CDH19: variants seen among roughly 807,000 people sequenced by gnomAD.
CDH19 encodes cadherin 19.
CDH19 carries 67 observed loss-of-function variants against 64.2 expected under a neutral mutation model. The ratio of observed to expected loss-of-function variants is 1.04; its 90% CI spans 0.86 to 1.28. The LOEUF (loss-of-function observed/expected upper bound fraction) is 1.28. Ranked by LOEUF, CDH19 falls within the 50% of genes most tolerant of loss-of-function variation. CDH19 has a pLI of 0.00. For missense variants in CDH19, 1,030 were observed against 929.0 expected (o/e 1.11, Z -1.41); for synonymous variants, 346 against 319.3 (o/e 1.08, Z -0.89).
intron 3 of CDH19, among the ~76,000 whole-genome samples, chr18:66,561,192 T>G (rs73539796): frequency 0.02 from 3,003 of 152,172 alleles, 108 homozygotes; most frequent in African/African-American, 0.068. Flanking sequence ...AAGTACAAAG[T>G]AAATGTTTGA....
intron 1 of CDH19, among the ~76,000 whole-genome samples, chr18:66,580,204 T>C (rs1988385600): frequency 6.6e-6 from 1 of 151,988 alleles, no homozygotes. Context: ...ACAACACTCA[T>C]AAAATGGAAA....
intron 3 of CDH19, among the ~76,000 whole-genome samples, chr18:66,557,083 A>T (rs1205714086): frequency 6.6e-6 from 1 of 151,978 alleles, no homozygotes; most frequent in Admixed American, 6.6e-5. Context: ...AAAGAAAATG[A>T]AATACACCAC....
At chr18:66,571,662 GT>G (rs1298397928) in intron 2 of CDH19, among the ~76,000 whole-genome samples, 2 of 151,594 alleles carry the variant, frequency 1.3e-5, no homozygotes, top group African/African-American at 4.8e-5. Context: ...GCTACTTAGC[GT>G]AACAGAAAAT....
At chr18:66,512,730 T>C (rs1226276135) in intron 9 of CDH19, among the ~76,000 whole-genome samples, 1 of 151,520 alleles carries the variant, frequency 6.6e-6, no homozygotes, top group African/African-American at 2.4e-5. Flanking sequence ...TAATTATACA[T>C]GTGGATATTG....
At chr18:66,537,934 G>A (rs1419728267) in intron 7 of CDH19, among the ~76,000 whole-genome samples, 3 of 151,858 alleles carry the variant, frequency 2.0e-5, no homozygotes, top group African/African-American at 2.4e-5. Context: ...GAAGGCATTC[G>A]TGCATCATAC....
rs1317620719 is a variant in CDH19, at chr18:66,502,400, C to T, written c.*2412G>A. 6.6e-6 allele frequency: 1 copy of T among 151,932 alleles called. No individual in the cohort carries two copies. Among genetic ancestry groups the T allele is most frequent in the Non-Finnish European group, 1.5e-5 (1 of 67,928 alleles). The allele number at this position is 151,932 out of a possible 1,614,324, so 9.4% of individuals were successfully genotyped here. ...TATTAAAACTATTTGTACAGGTATT[C>T]CATTAATGTGCATTTTAATGAGTTG... is the stretch of plus-strand genomic sequence containing the variant. On this transcript the variant is annotated 3_prime_UTR_variant, in exon 12 of 12. Coordinates refer to ENST00000262150, the MANE Select transcript of CDH19 (RefSeq NM_021153.4).
intron 5 of CDH19, among the ~76,000 whole-genome samples, chr18:66,548,254 TATA>T (rs1248875831): frequency 3.4e-4 from 30 of 87,572 alleles, no homozygotes; most frequent in African/African-American, 1.5e-3. Flanking sequence ...TTTATATATA[TATA>T]TATATTTTTT....
chr18:66,537,150 A>G (rs1375009363), intron 7 of CDH19, among the ~76,000 whole-genome samples: 2 of 151,970 alleles, frequency 1.3e-5, no homozygotes. Context: ...TACAAACTAT[A>G]GTTGGATTTC....
intron 5 of CDH19, among the ~76,000 whole-genome samples, chr18:66,546,527 T>C (rs544670761): frequency 4.6e-5 from 7 of 152,278 alleles, no homozygotes; most frequent in Non-Finnish European, 8.8e-5. Flanking sequence ...TAATTTTCCA[T>C]ACTTTCAAAA....
At chr18:66,572,407 A>T (rs575075640) in intron 1 of CDH19, 91 bp from the exon 2 acceptor site, 1 of 400,872 alleles carries the variant, frequency 2.5e-6, no homozygotes, top group South Asian at 8.1e-5. Flanking sequence ...TCTGCATCTG[A>T]CAAAAGTGGA....
chr18:66,514,128 A>T (rs751936647), intron 9 of CDH19, among the ~76,000 whole-genome samples: 1 of 151,522 alleles, frequency 6.6e-6, no homozygotes, highest in African/African-American at 2.4e-5. Flanking sequence ...ATATAAGCTA[A>T]GTGTCTTAGG....
At chr18:66,535,187 G>T in intron 7 of CDH19, 80 bp from the exon 8 acceptor site, 2 of 842,218 alleles carry the variant, frequency 2.4e-6, no homozygotes, top group South Asian at 4.1e-5. Flanking sequence ...TAAGCAATAA[G>T]ACATCTTATT....
intron 1 of CDH19, among the ~76,000 whole-genome samples, chr18:66,579,072 G>T (rs1988348817): frequency 6.6e-6 from 1 of 151,850 alleles, no homozygotes; most frequent in Non-Finnish European, 1.5e-5. Flanking sequence ...GTATTGTGAT[G>T]AAAGTCTTAG....
At chr18:66,602,621 T>A (rs757657713) in intron 1 of CDH19, among the ~76,000 whole-genome samples, 9 of 151,856 alleles carry the variant, frequency 5.9e-5, no homozygotes, top group Non-Finnish European at 1.3e-4. Flanking sequence ...AGTAAAGAAT[T>A]TACTAATGTG....
chr18:66,568,453 T>C lies in CDH19; in HGVS notation c.453A>G (p.Glu151=). Residue 151 remains glutamate (E), a synonymous_variant, in exon 3 of 12, where the codon GAA becomes GAG. Coordinates refer to ENST00000262150, the MANE Select transcript of CDH19 (RefSeq NM_021153.4). ...INDNEPKFLD[E]PYEAIVPEMS... Reference sequence around the variant, plus strand: ...TCTCTGGTACAATGGCCTCATAAGGTTCATCTAGGAATTTTGGTTCATTGT... The same window carrying C: ...TCTCTGGTACAATGGCCTCATAAGGCTCATCTAGGAATTTTGGTTCATTGT... 1.2e-6 allele frequency: 2 copies of C among 1,611,926 alleles called. No homozygotes were observed. Among genetic ancestry groups the C allele is most frequent in the Non-Finnish European group, 1.7e-6 (2 of 1,178,694 alleles).
chr18:66,593,624 T>A (rs1988804841), intron 1 of CDH19, among the ~76,000 whole-genome samples: 1 of 152,098 alleles, frequency 6.6e-6, no homozygotes, highest in South Asian at 2.1e-4. Flanking sequence ...CAAAAATATA[T>A]ATATTTTCTA....
chr18:66,570,733 T>C (rs1027919531), intron 2 of CDH19, among the ~76,000 whole-genome samples: 1 of 151,606 alleles, frequency 6.6e-6, no homozygotes, highest in Non-Finnish European at 1.5e-5. Context: ...AATGAAAAAA[T>C]AGGCAAAACC....
intron 4 of CDH19, 114 bp from the exon 5 acceptor site, chr18:66,551,372 T>C (rs1987338732): frequency 3.1e-6 from 2 of 654,142 alleles, no homozygotes; most frequent in Admixed American, 2.7e-5. Flanking sequence ...ACCACTGCAA[T>C]GTGACAGAGA....
intron 1 of CDH19, among the ~76,000 whole-genome samples, chr18:66,583,931 C>A (rs1418968340): frequency 6.6e-6 from 1 of 152,028 alleles, no homozygotes; most frequent in Non-Finnish European, 1.5e-5. Flanking sequence ...CCATTCTGGG[C>A]ATAGCAACAG....
Sources: gnomAD v4.1 joint callset for allele counts (sites outside exome capture counted in the v4.1 genomes callset) on GRCh38, gnomAD v4.1.1 for gene constraint, MANE v1.5 for transcripts, NCBI Gene and HGNC (gene_info 2026-07-23, HGNC 2026-07-21) for gene names.